SRR: variants seen among roughly 807,000 people sequenced by gnomAD.
The protein encoded by SRR is D-serine ammonia-lyase.
SRR carries 19 observed loss-of-function variants against 32.7 expected under a neutral mutation model. That is an observed-to-expected ratio of 0.58 (90% CI 0.40 to 0.85). The LOEUF is 0.85. SRR is among the 40% of genes least tolerant of loss of function. SRR has a pLI of 0.00. For synonymous variants in SRR, 142 were observed against 140.9 expected (o/e 1.01, Z -0.06); for missense variants, 373 against 404.7 (o/e 0.92, Z 0.67).
intron 4 of SRR, among the ~76,000 whole-genome samples, chr17:2,320,255 T>C (rs1436425314): frequency 2.1e-5 from 3 of 139,920 alleles, no homozygotes; most frequent in African/African-American, 5.3e-5. Flanking sequence ...TCTCATCTTT[T>C]TTTTTTTTTT....
At chr17:2,308,194 A>T (rs2075407268) in intron 1 of SRR, among the ~76,000 whole-genome samples, 1 of 152,142 alleles carries the variant, frequency 6.6e-6, no homozygotes, top group African/African-American at 2.4e-5. Context: ...CACTTCTCAG[A>T]GGAAAAATCC....
chr17:2,320,542 C>T (rs1021886839), intron 4 of SRR, among the ~76,000 whole-genome samples: 1 of 151,622 alleles, frequency 6.6e-6, no homozygotes, highest in Non-Finnish European at 1.5e-5. Flanking sequence ...GTGTGAGCCA[C>T]CGTGCCTGGT....
At chr17:2,306,774 G>A in intron 1 of SRR, 1 of 661,194 alleles carries the variant, frequency 1.5e-6, no homozygotes, top group Non-Finnish European at 2.7e-6. Context: ...CTAAGTCAGA[G>A]TCTCCTAAAG....
At chr17:2,303,899 A>T (rs1050270704), upstream of SRR, 123 of 369,646 alleles carry the variant, frequency 3.3e-4, no homozygotes, top group African/African-American at 2.5e-3. Context: ...CGCCGGTTCC[A>T]GAGGGGCGGG....
intron 1 of SRR, among the ~76,000 whole-genome samples, chr17:2,314,791 G>T (rs983962932): frequency 2.7e-5 from 4 of 149,916 alleles, no homozygotes; most frequent in Non-Finnish European, 5.9e-5. Context: ...GGGAAATAAA[G>T]AAAATGAACA....
At chr17:2,303,594 C>T, upstream of SRR, 2 of 1,380,042 alleles carry the variant, frequency 1.4e-6, no homozygotes, top group Non-Finnish European at 9.4e-7. Flanking sequence ...GGAGGCGGGG[C>T]GGGCAGGCCC....
chr17:2,303,923 C>G, upstream of SRR: 1 of 416,926 alleles, frequency 2.4e-6, no homozygotes, highest in Non-Finnish European at 4.3e-6. Flanking sequence ...GGAGCGAGAG[C>G]CTGGGTGGGG....
intron 7 of SRR, 86 bp downstream of exon 7, chr17:2,323,431 C>G: frequency 2.0e-6 from 3 of 1,482,950 alleles, no homozygotes; most frequent in Non-Finnish European, 2.8e-6. Context: ...GCAAGTGACC[C>G]ACGGGAACCT....
intron 1 of SRR, among the ~76,000 whole-genome samples, chr17:2,311,928 G>A (rs2075436302): frequency 6.6e-6 from 1 of 152,250 alleles, no homozygotes; most frequent in African/African-American, 2.4e-5. Context: ...GTGTTAAGAA[G>A]GCTGGGTGTG....
In SRR at chr17:2,324,311, A is replaced by C; in HGVS notation, c.*438A>C. On this transcript the variant is annotated 3_prime_UTR_variant, in exon 8 of 8. Transcript: ENST00000344595. ...GGGGAAGACTCGTTTATACAGGTTC[A>C]TCAGTACTGTGTCTTGAGATTTTAG... The C allele has an allele frequency of 5.1e-6, 8 of 1,568,650 alleles. No individual in the cohort carries two copies. The highest frequency in any genetic ancestry group is 6.0e-6 in the Non-Finnish European group (7 of 1,160,844).
intron 1 of SRR, chr17:2,315,340 A>G (rs2075464796): frequency 2.4e-6 from 1 of 409,410 alleles, no homozygotes; most frequent in Non-Finnish European, 4.3e-6. Context: ...GCCTTCTGTA[A>G]TCACCATCAG....
At chr17:2,317,727 A>C (rs2075488407) in intron 2 of SRR, 143 bp from the exon 3 acceptor site, 1 of 843,958 alleles carries the variant, frequency 1.2e-6, no homozygotes, top group Non-Finnish European at 1.8e-6. Context: ...ATAAAGATGC[A>C]CATGAGATAT....
upstream of SRR, chr17:2,303,462 C>A: frequency 7.6e-7 from 1 of 1,318,162 alleles, no homozygotes. Context: ...CGACCCCGCA[C>A]TAACCCGCGA....
chr17:2,309,902 C>G (rs1480031412), intron 1 of SRR: 3 of 152,106 alleles, frequency 2.0e-5, no homozygotes, highest in Non-Finnish European at 2.9e-5. Flanking sequence ...GTAAAACATA[C>G]GAGCTGTCAG....
At chr17:2,309,486 A>C (rs146795338) in intron 1 of SRR, among the ~76,000 whole-genome samples, 65 of 152,234 alleles carry the variant, frequency 4.3e-4, no homozygotes, top group East Asian at 4.1e-3. Flanking sequence ...GGTGCAGAGA[A>C]TTGAGCCAGT....
chr17:2,321,417 C>G lies in SRR; in HGVS notation c.511C>G (p.Leu171Val). 4 of 1,612,030 alleles carry G rather than the reference C, an allele frequency of 2.5e-6. No homozygotes were observed. The highest frequency in any genetic ancestry group is 3.4e-6 in the Non-Finnish European group (4 of 1,179,070). ...AGQGTIALEVLNQVPLVDALV... is the reference protein window; with the variant it reads ...AGQGTIALEVVNQVPLVDALV... Reference sequence around the variant, plus strand: ...ACAAGGGACAATTGCCCTGGAAGTGCTGAACCAGGTAAAATAGCTGAGTTC... The same window carrying G: ...ACAAGGGACAATTGCCCTGGAAGTGGTGAACCAGGTAAAATAGCTGAGTTC... Residue 171 changes from leucine (L) to valine (V), a missense_variant, in exon 5 of 8, where the codon CTG becomes GTG. Transcript: ENST00000344595.
At chr17:2,321,771 C>G (rs2075530810) in intron 6 of SRR, among the ~76,000 whole-genome samples, 155 bp downstream of exon 6, 1 of 152,118 alleles carries the variant, frequency 6.6e-6, no homozygotes, top group South Asian at 2.1e-4. Flanking sequence ...TGCCTCACTA[C>G]TCTATTTACT....
chr17:2,303,462 C>T, upstream of SRR: 1 of 1,318,162 alleles, frequency 7.6e-7, no homozygotes, highest in South Asian at 2.1e-5. Flanking sequence ...CGACCCCGCA[C>T]TAACCCGCGA....
chr17:2,324,796 A>G lies in SRR; in HGVS notation c.*923A>G, dbSNP rs538071594. ...GACCATTCTGTCTGGATCTACTGAC[A>G]TAAGATGGCCTGTAGCAATGAGGCT... On this transcript the variant is annotated 3_prime_UTR_variant, in exon 8 of 8. Coordinates refer to ENST00000344595, the MANE Select transcript of SRR (RefSeq NM_021947.3). The G allele has an allele frequency of 7.4e-6, 12 of 1,614,134 alleles. No homozygotes were observed. Among genetic ancestry groups the G allele is most frequent in the East Asian group, 4.5e-5 (2 of 44,892 alleles).
Sources: gnomAD v4.1 joint callset for allele counts (sites outside exome capture counted in the v4.1 genomes callset) on GRCh38, gnomAD v4.1.1 for gene constraint, MANE v1.5 for transcripts, NCBI Gene and HGNC (gene_info 2026-07-23, HGNC 2026-07-21) for gene names.